DPF3: variants seen among roughly 807,000 people sequenced by gnomAD.
DPF3 encodes the protein double PHD fingers 3, also known as zinc finger protein DPF3.
In DPF3, 18 loss-of-function variants were observed where a neutral mutation model predicts 56.8. The observed-to-expected ratio is 0.32, with a 90% CI of 0.22 to 0.47. The LOEUF (loss-of-function observed/expected upper bound fraction) is 0.47, where lower values mean the gene tolerates loss of function less well. DPF3 is among the 20% of genes least tolerant of loss of function. DPF3 has a pLI of 1.00. For missense variants in DPF3, 403 were observed against 488.8 expected (o/e 0.82, Z 1.65); for synonymous variants, 188 against 180.2 (o/e 1.04, Z -0.35).
At chr14:72,739,232 A>C (rs1890028934) in intron 3 of DPF3, among the ~76,000 whole-genome samples, 1 of 146,990 alleles carries the variant, frequency 6.8e-6, no homozygotes, top group Admixed American at 6.8e-5. Context: ...ACAGAGTGAG[A>C]CTCTGTCTCA....
chr14:72,729,618 A>G (rs1383647513), intron 4 of DPF3, among the ~76,000 whole-genome samples: 1 of 152,242 alleles, frequency 6.6e-6, no homozygotes, highest in Non-Finnish European at 1.5e-5. Flanking sequence ...CTATCTGGCC[A>G]TGAAAAGACA....
rs1883764918 is a variant in DPF3, at chr14:72,612,152, A to G, written c.*7145T>C. ...TTCAGAGGAAAAACCCCCAGGGTGG[A>G]CAACCATGGCAGATGAGTGGGGGGC... On this transcript the variant is annotated 3_prime_UTR_variant, in exon 11 of 11. Coordinates refer to ENST00000556509, the MANE Select transcript of DPF3 (RefSeq NM_001280542.3). Among the ~76,000 whole-genome samples the G allele has an allele frequency of 6.6e-6, 1 of 152,188 alleles. No homozygotes were observed.
intron 8 of DPF3, chr14:72,669,826 A>G (rs1275183122): frequency 1.1e-6 from 1 of 906,398 alleles, no homozygotes; most frequent in African/African-American, 1.8e-5. Flanking sequence ...CTCTTACACT[A>G]AGAAGGGAGT....
At chr14:72,714,550 C>T (rs781186357) in intron 5 of DPF3, 49 bp from the exon 6 acceptor site, 2 of 1,605,338 alleles carry the variant, frequency 1.2e-6, no homozygotes, top group Non-Finnish European at 1.7e-6. Flanking sequence ...GTCATCACTA[C>T]AGCTCCGGAG....
chr14:72,790,822 T>C (rs552354540), intron 1 of DPF3, among the ~76,000 whole-genome samples: 21 of 152,246 alleles, frequency 1.4e-4, no homozygotes, highest in Non-Finnish European at 1.9e-4. Flanking sequence ...AAGAGCCCCA[T>C]CGCCTCTTTC....
chr14:72,810,504 G>C (rs1020631746), intron 1 of DPF3, among the ~76,000 whole-genome samples: 3 of 152,124 alleles, frequency 2.0e-5, no homozygotes, highest in Admixed American at 1.3e-4. Flanking sequence ...AAGGGAAAGA[G>C]GGGCATGAAA....
intron 2 of DPF3, among the ~76,000 whole-genome samples, chr14:72,771,340 CAGAA>C (rs1891522990): frequency 6.6e-6 from 1 of 152,132 alleles, no homozygotes; most frequent in African/African-American, 2.4e-5. Context: ...ACCTGAGGGA[CAGAA>C]GTTTGGTGAC....
intron 1 of DPF3, among the ~76,000 whole-genome samples, chr14:72,790,913 G>A (rs567693051): frequency 2.0e-4 from 30 of 152,214 alleles, no homozygotes; most frequent in Non-Finnish European, 3.1e-4. Flanking sequence ...TGGGTGCTGC[G>A]GAAGTCTGTC....
chr14:72,684,375 TAAC>T (rs1887307109), intron 7 of DPF3, among the ~76,000 whole-genome samples: 2 of 152,258 alleles, frequency 1.3e-5, no homozygotes, highest in East Asian at 3.9e-4. Flanking sequence ...AAAAAAGTTT[TAAC>T]AACCCAGGCA....
intron 2 of DPF3, among the ~76,000 whole-genome samples, chr14:72,767,485 A>C (rs751623972): frequency 1.3e-5 from 2 of 152,166 alleles, no homozygotes; most frequent in Admixed American, 1.3e-4. Context: ...AAATTGTAAC[A>C]AAAAATAAAA....
intron 1 of DPF3, among the ~76,000 whole-genome samples, chr14:72,851,731 G>A (rs2140084674): frequency 6.6e-6 from 1 of 152,334 alleles, no homozygotes. Flanking sequence ...TTCTTCAAGT[G>A]AAAAATGTAC....
intron 1 of DPF3, among the ~76,000 whole-genome samples, chr14:72,837,740 A>G (rs1011233012): frequency 6.6e-6 from 1 of 152,196 alleles, no homozygotes; most frequent in Admixed American, 6.5e-5. Flanking sequence ...TCCATCTCGA[A>G]AAAATAAAAA....
intron 1 of DPF3, among the ~76,000 whole-genome samples, chr14:72,795,295 A>AAAT (rs1555507691): frequency 9.7e-6 from 1 of 102,938 alleles, no homozygotes; most frequent in African/African-American, 3.7e-5. Flanking sequence ...AAAAAAAAAA[A>AAAT]ATATATATAT....
intron 8 of DPF3, among the ~76,000 whole-genome samples, chr14:72,660,777 T>C (rs1385412466): frequency 1.3e-5 from 2 of 152,122 alleles, no homozygotes; most frequent in Non-Finnish European, 2.9e-5. Context: ...GTGATGGTGA[T>C]GGGGGAGTGG....
intron 1 of DPF3, among the ~76,000 whole-genome samples, chr14:72,847,777 G>C (rs893925795): frequency 1.1e-4 from 17 of 152,168 alleles, no homozygotes; most frequent in African/African-American, 2.9e-4. Flanking sequence ...CTCCCAAAGT[G>C]CTGGGATTAA....
chr14:72,886,124 C>T (rs1487165078), intron 1 of DPF3, among the ~76,000 whole-genome samples: 2 of 152,140 alleles, frequency 1.3e-5, no homozygotes, highest in African/African-American at 4.8e-5. Flanking sequence ...ATAATCCCAG[C>T]ACTTTGGGAA....
chr14:72,697,478 G>A (rs1335378796), intron 6 of DPF3, among the ~76,000 whole-genome samples: 2 of 152,176 alleles, frequency 1.3e-5, no homozygotes, highest in African/African-American at 4.8e-5. Flanking sequence ...GCAGGCAAAG[G>A]GGGCTCAAAG....
At chr14:72,823,354 C>A (rs76125353) in intron 1 of DPF3, among the ~76,000 whole-genome samples, 14,252 of 152,216 alleles carry the variant, frequency 0.094, 823 homozygotes, top group Admixed American at 0.18. Flanking sequence ...GAAAAGGCTA[C>A]GAGGGAGGAA....
chr14:72,696,837 C>T (rs1887923526), intron 6 of DPF3, among the ~76,000 whole-genome samples: 1 of 152,218 alleles, frequency 6.6e-6, no homozygotes, highest in Non-Finnish European at 1.5e-5. Flanking sequence ...TGGGCTCCAC[C>T]CCAGACTGAC....
Sources: gnomAD v4.1 joint callset for allele counts (sites outside exome capture counted in the v4.1 genomes callset) on GRCh38, gnomAD v4.1.1 for gene constraint, MANE v1.5 for transcripts, NCBI Gene and HGNC (gene_info 2026-07-23, HGNC 2026-07-21) for gene names.